The following PCDHGA6 variants were observed in gnomAD, a reference collection of about 807,000 sequenced individuals.
PCDHGA6 encodes protocadherin gamma subfamily A, 6.
A neutral mutation model predicts 60.6 loss-of-function variants in PCDHGA6; 41 were observed. The observed-to-expected ratio is 0.68, with a 90% CI of 0.53 to 0.88. PCDHGA6 has a LOEUF of 0.88. PCDHGA6 is among the 40% of genes least tolerant of loss of function. The pLI, the probability that PCDHGA6 is intolerant of heterozygous loss-of-function variation, is 0.00. For missense variants in PCDHGA6, 1,312 were observed against 1,203.0 expected (o/e 1.09, Z -1.34); for synonymous variants, 594 against 524.4 (o/e 1.13, Z -1.81).
intron 3 of PCDHGA6, among the ~76,000 whole-genome samples, chr5:141,506,132 G>T (rs114930087): frequency 1.2e-4 from 18 of 152,310 alleles, no homozygotes; most frequent in African/African-American, 4.3e-4. Context: ...CAGAGCAGGA[G>T]AAGAAGAATA....
chr5:141,388,426 T>C, intron 1 of PCDHGA6: 1 of 1,613,864 alleles, frequency 6.2e-7, no homozygotes, highest in Non-Finnish European at 8.5e-7. Context: ...TTCTCACTGA[T>C]AAATAAAGAG....
At chr5:141,400,789 CTT>C in intron 1 of PCDHGA6, 1 of 561,962 alleles carries the variant, frequency 1.8e-6, no homozygotes, top group Non-Finnish European at 3.1e-6. Flanking sequence ...TTTTTGTCCT[CTT>C]TCTCAAAGCT....
chr5:141,415,105 C>T (rs1472993181), intron 1 of PCDHGA6: 1 of 1,613,652 alleles, frequency 6.2e-7, no homozygotes, highest in African/African-American at 1.3e-5. Flanking sequence ...CGCGCTCAAG[C>T]AAAGCCTCGT....
intron 1 of PCDHGA6, among the ~76,000 whole-genome samples, chr5:141,426,099 G>A (rs1590666889): frequency 1.3e-5 from 2 of 152,348 alleles, no homozygotes; most frequent in African/African-American, 4.8e-5. Context: ...ATTCTGTTCA[G>A]TCACAGAAGC....
chr5:141,480,837 G>T (rs1435750544), intron 1 of PCDHGA6, among the ~76,000 whole-genome samples: 2 of 152,168 alleles, frequency 1.3e-5, no homozygotes, highest in African/African-American at 4.8e-5. Flanking sequence ...ATAAGATCAG[G>T]AGTTTGAGAC....
intron 1 of PCDHGA6, chr5:141,441,144 T>C (rs141609485): frequency 6.6e-6 from 1 of 152,296 alleles, no homozygotes; most frequent in African/African-American, 2.4e-5. Context: ...TAGAAGATAA[T>C]GACAATATCC....
At position 141,511,355 on chromosome 5, in the gene PCDHGA6, G is replaced by A; in HGVS notation, c.*182G>A. On this transcript the variant is annotated 3_prime_UTR_variant, in exon 4 of 4. Coordinates refer to ENST00000517434, the MANE Select transcript of PCDHGA6 (RefSeq NM_018919.3). ...TCAGCACCTACCCCTTCCCCCCCAG[G>A]GGGTTGAATATGCAAAAGCAGTTCC... 4 of 1,379,256 alleles carry A rather than the reference G, an allele frequency of 2.9e-6. No individual in the cohort carries two copies. The highest frequency in any genetic ancestry group is 3.9e-6 in the Non-Finnish European group (4 of 1,035,886). 85.4% of individuals were successfully genotyped at this position (1,379,256 alleles called of 1,614,324 possible).
intron 1 of PCDHGA6, chr5:141,405,033 T>TTGTGGC: frequency 6.2e-7 from 1 of 1,613,962 alleles, no homozygotes; most frequent in Non-Finnish European, 8.5e-7. Context: ...CTCTACCTCG[T>TTGTGGC]TGTGGCTGTG....
chr5:141,478,549 A>G lies in PCDHGA6; in HGVS notation c.2425-16258A>G, dbSNP rs369095515. 8 of 1,602,904 alleles carry G rather than the reference A, an allele frequency of 5.0e-6. No individual in the cohort carries two copies. In the African/African-American group the frequency reaches 1.1e-4, roughly 21 times the overall value. On this transcript the variant is annotated intron_variant, in intron 1 of 3. Coordinates refer to ENST00000517434, the MANE Select transcript of PCDHGA6 (RefSeq NM_018919.3). ...CAGAGAGCGCCCCTCCCGGACAGGT[A>G]AGGTTTAGCAAGTCATGCTTGACCC...
At position 141,388,141 on chromosome 5, in the gene PCDHGA6, T is replaced by C. The variant is rs1239201119; in HGVS notation, c.2424+11634T>C. On this transcript the variant is annotated intron_variant, in intron 1 of 3. Transcript: ENST00000517434. ...AGCGCAGAGAGCGGGGAGTTGCTTG[T>C]GAGCAGCAGGCTAGACAGGGAGGAG... 6.9e-7 allele frequency: 1 copy of C among 1,456,446 alleles called. No individual in the cohort carries two copies. The highest frequency in any genetic ancestry group is 2.3e-4 in the Middle Eastern group (1 of 4,348). The allele number at this position is 1,456,446 out of a possible 1,614,324, so 90.2% of individuals were successfully genotyped here. A position where few individuals can be genotyped will look rare whatever the true frequency, so the allele number is the denominator to read the frequency against.
chr5:141,498,726 G>T (rs2099785379), intron 2 of PCDHGA6, among the ~76,000 whole-genome samples: 1 of 152,172 alleles, frequency 6.6e-6, no homozygotes, highest in Admixed American at 6.5e-5. Context: ...GAGGTCAGGA[G>T]TTTGAGACCA....
At position 141,487,128 on chromosome 5, in the gene PCDHGA6, G is replaced by A; in HGVS notation, c.2425-7679G>A. The A allele has an allele frequency of 6.2e-7, 1 of 1,614,086 alleles. No individual in the cohort carries two copies. ...GTCATTGTGGTAAAGGATAGTGGTA[G>A]TCCACCACTCTCTACCTCTGTTACT... is the stretch of plus-strand genomic sequence containing the variant. On this transcript the variant is annotated intron_variant, in intron 1 of 3. Transcript: ENST00000517434. This position sits in a 1 kb window ranked among gnomAD's most constrained non-coding sequence, Gnocchi z 5.0.
Position 141,417,842 on chromosome 5 carries a change from C to A in PCDHGA6, c.2424+41335C>A, listed in dbSNP as rs1247720013. 3 of 1,537,164 alleles carry A rather than the reference C, an allele frequency of 2.0e-6. No homozygotes were observed. The South Asian group carries it at 3.6e-5, about 19-fold the overall frequency. Reference sequence around the variant, plus strand: ...TCCAACTGGAAAAGCGGGGACCCAGCGAGAACCCGAGCGAACGATGGGAGG... The same window carrying A: ...TCCAACTGGAAAAGCGGGGACCCAGAGAGAACCCGAGCGAACGATGGGAGG... On this transcript the variant is annotated intron_variant, in intron 1 of 3. Transcript: ENST00000517434.
intron 1 of PCDHGA6, chr5:141,441,653 G>T: frequency 4.1e-6 from 1 of 243,884 alleles, no homozygotes; most frequent in Non-Finnish European, 8.2e-6. Context: ...GATTCTAGGT[G>T]TCCTTGAGCG....
At chr5:141,457,116 C>T (rs933634563) in intron 1 of PCDHGA6, among the ~76,000 whole-genome samples, 5 of 152,176 alleles carry the variant, frequency 3.3e-5, no homozygotes, top group Non-Finnish European at 7.3e-5. Flanking sequence ...AATACGACAG[C>T]AATGGAAACT....
chr5:141,402,110 T>G (rs900421956), intron 1 of PCDHGA6, among the ~76,000 whole-genome samples: 1 of 152,150 alleles, frequency 6.6e-6, no homozygotes, highest in Admixed American at 6.5e-5. Context: ...ATTACAAAAA[T>G]GTGAAAATTT....
At chr5:141,482,457 C>T (rs1279922250) in intron 1 of PCDHGA6, among the ~76,000 whole-genome samples, 3 of 147,484 alleles carry the variant, frequency 2.0e-5, no homozygotes, top group Non-Finnish European at 3.0e-5. Context: ...TATTAGCATC[C>T]CTATGTGCCA....
At chr5:141,401,214 C>T (rs894124786) in intron 1 of PCDHGA6, among the ~76,000 whole-genome samples, 4 of 151,920 alleles carry the variant, frequency 2.6e-5, no homozygotes, top group Non-Finnish European at 4.4e-5. Context: ...TGGTGGCGGG[C>T]GCCTGTAATC....
At chr5:141,405,596 A>T (rs1024672340) in intron 1 of PCDHGA6, 2 of 578,622 alleles carry the variant, frequency 3.5e-6, no homozygotes, top group Admixed American at 6.3e-5. Flanking sequence ...AGGCCTCCCA[A>T]GTAGAATAAC....
Sources: allele counts gnomAD v4.1 joint callset (sites outside exome capture counted in the v4.1 genomes callset), GRCh38; gene constraint gnomAD v4.1.1; non-coding constraint Gnocchi (gnomAD v3.1); transcripts MANE v1.5; gene names NCBI Gene and HGNC (gene_info 2026-07-23, HGNC 2026-07-21).